Variants in DLGAP2 observed in about 807,000 individuals in gnomAD.
DLGAP2 encodes the protein disks large-associated protein 2.
A neutral mutation model predicts 100.3 loss-of-function variants in DLGAP2; 26 were observed. The observed-to-expected ratio is 0.26, with a 90% CI of 0.19 to 0.36. The LOEUF (loss-of-function observed/expected upper bound fraction) is 0.36. Among genes scored for constraint, DLGAP2 ranks in the 10% least tolerant of loss-of-function variants. DLGAP2 has a pLI of 1.00. For synonymous variants in DLGAP2, 886 were observed against 630.1 expected (o/e 1.41, Z -6.08); for missense variants, 1,858 against 1,453.2 (o/e 1.28, Z -4.53).
intron 4 of DLGAP2, among the ~76,000 whole-genome samples, chr8:1,508,753 A>T (rs1800045220): frequency 6.6e-6 from 1 of 151,104 alleles, no homozygotes; most frequent in Non-Finnish European, 1.5e-5. Flanking sequence ...GGAGGCGCTG[A>T]CGGCGTTCCC....
At chr8:950,049 C>G (rs903758887) in intron 2 of DLGAP2, among the ~76,000 whole-genome samples, 1 of 152,148 alleles carries the variant, frequency 6.6e-6, no homozygotes, top group African/African-American at 2.4e-5. Context: ...TCCAGGGGAC[C>G]CAGGTCTTTA....
chr8:1,252,814 C>T (rs979969651), intron 2 of DLGAP2, among the ~76,000 whole-genome samples: 2 of 152,212 alleles, frequency 1.3e-5, no homozygotes, highest in Admixed American at 6.5e-5. Context: ...CCTTTCCTGA[C>T]GAGCAGAGGA....
At chr8:883,970 T>G (rs879475404) in intron 1 of DLGAP2, among the ~76,000 whole-genome samples, 8 of 152,256 alleles carry the variant, frequency 5.3e-5, no homozygotes, top group Admixed American at 5.2e-4. Context: ...GGACATGATC[T>G]CTTTGCTTTT....
In DLGAP2 at chr8:1,134,999, A is replaced by G. The variant is rs945986309; in HGVS notation, c.74-123852A>G. 9.2e-5 allele frequency among the ~76,000 whole-genome samples: 14 copies of G among 152,326 alleles called. No individual in the cohort carries two copies. The East Asian group carries it at 1.9e-3, about 21-fold the overall frequency. ...TCAAACTCTATTGATTAAACTTTGA[A>G]TATGATTTTTAGTGCTAAAGAGACT... On this transcript the variant is annotated intron_variant, in intron 2 of 14. Coordinates refer to ENST00000637795, the MANE Select transcript of DLGAP2 (RefSeq NM_001346810.2).
At chr8:1,691,408 G>C (rs34727953) in intron 12 of DLGAP2, 127 bp from the exon 13 acceptor site, 4 of 747,408 alleles carry the variant, frequency 5.4e-6, no homozygotes, top group African/African-American at 3.5e-5. Context: ...GAACACGCTC[G>C]GCACGATGAA....
chr8:1,676,715 G>T, intron 11 of DLGAP2, 97 bp downstream of exon 11: 2 of 1,231,524 alleles, frequency 1.6e-6, no homozygotes, highest in Non-Finnish European at 2.3e-6. Context: ...CCTCAATCAT[G>T]CCTGTCCTTG....
chr8:1,253,623 G>A (rs773538031), intron 2 of DLGAP2, among the ~76,000 whole-genome samples: 27 of 152,124 alleles, frequency 1.8e-4, no homozygotes, highest in African/African-American at 6.0e-4. Flanking sequence ...TGTGGAGCTC[G>A]GGGAATGAGC....
intron 8 of DLGAP2, among the ~76,000 whole-genome samples, chr8:1,640,617 G>T (rs1415379117): frequency 6.6e-6 from 1 of 152,038 alleles, no homozygotes; most frequent in African/African-American, 2.4e-5. Context: ...GCAAACTAAA[G>T]CCCAGGGTGT....
Position 771,803 on chromosome 8 carries a change from G to A in DLGAP2, c.18+33978G>A, listed in dbSNP as rs141512123. ...TTACACTAACCATAAAAATTGAAGT[G>A]GCACATATAGAATAAACAATGGAAA... On this transcript the variant is annotated intron_variant, in intron 1 of 14. Transcript: ENST00000637795. Among the ~76,000 whole-genome samples the A allele has an allele frequency of 7.5e-3, 1,146 of 152,272 alleles. 11 individuals are homozygous for A. The highest frequency in any genetic ancestry group is 0.026 in the African/African-American group (1,069 of 41,564).
intron 5 of DLGAP2, among the ~76,000 whole-genome samples, chr8:1,565,349 A>G (rs142810249): frequency 6.8e-4 from 103 of 151,550 alleles, no homozygotes; most frequent in Non-Finnish European, 1.1e-3. Flanking sequence ...CTCAACTTTC[A>G]ATTTCCTCTT....
At chr8:1,618,548 G>T (rs997091299) in intron 6 of DLGAP2, among the ~76,000 whole-genome samples, 2 of 152,184 alleles carry the variant, frequency 1.3e-5, no homozygotes, top group African/African-American at 4.8e-5. Flanking sequence ...CTGACAAGAA[G>T]ATTCTAAAAT....
At chr8:1,629,200 T>A (rs1416242481) in intron 7 of DLGAP2, among the ~76,000 whole-genome samples, 1 of 152,214 alleles carries the variant, frequency 6.6e-6, no homozygotes, top group East Asian at 1.9e-4. Flanking sequence ...ACCCAGGACT[T>A]TTTCCACTGA....
intron 1 of DLGAP2, among the ~76,000 whole-genome samples, chr8:886,120 A>C (rs1253427078): frequency 6.6e-6 from 1 of 152,130 alleles, no homozygotes; most frequent in Non-Finnish European, 1.5e-5. Context: ...TCCCTGGTTT[A>C]GTCTTGGTAG....
intron 3 of DLGAP2, among the ~76,000 whole-genome samples, chr8:1,278,501 A>G (rs1263186077): frequency 1.3e-5 from 2 of 152,230 alleles, no homozygotes; most frequent in Non-Finnish European, 2.9e-5. Flanking sequence ...ACAACTGCAT[A>G]TCATTCTGTT....
chr8:954,831 G>C (rs1030193344), intron 2 of DLGAP2, among the ~76,000 whole-genome samples: 1 of 152,144 alleles, frequency 6.6e-6, no homozygotes, highest in African/African-American at 2.4e-5. Context: ...TAGGTTCATT[G>C]ATGTAACTTT....
chr8:960,237 C>CTTTTTCTTT (rs1799692166), intron 2 of DLGAP2, among the ~76,000 whole-genome samples: 1 of 44,640 alleles, frequency 2.2e-5, no homozygotes, highest in Non-Finnish European at 4.0e-5. Flanking sequence ...TGAAGTATAT[C>CTTTTTCTTT]TTTTTTTTTT....
chr8:1,706,074 C>T lies in DLGAP2; in HGVS notation c.*4668C>T, dbSNP rs1202739688. 2 of 152,194 alleles carry T rather than the reference C, an allele frequency of 1.3e-5. No individual in the cohort carries two copies. Among genetic ancestry groups the T allele is most frequent in the Non-Finnish European group, 2.9e-5 (2 of 68,052 alleles). The allele number at this position is 152,194 out of a possible 1,614,324, so 9.4% of individuals were successfully genotyped here. A position where few individuals can be genotyped will look rare whatever the true frequency, so the allele number is the denominator to read the frequency against. ...TCGCTATTAGTTGGGAGTTGCAATA[C>T]ATTGTTGGCCATAAACAAAGTGCTA... On this transcript the variant is annotated 3_prime_UTR_variant, in exon 15 of 15. Transcript: ENST00000637795.
chr8:1,418,888 A>T (rs1403449970), intron 3 of DLGAP2, among the ~76,000 whole-genome samples: 1 of 152,230 alleles, frequency 6.6e-6, no homozygotes, highest in African/African-American at 2.4e-5. Context: ...ATGGGTTCCC[A>T]TGGCTCTACC....
intron 2 of DLGAP2, among the ~76,000 whole-genome samples, chr8:1,181,667 A>G (rs1385426530): frequency 2.0e-5 from 3 of 152,182 alleles, no homozygotes. Flanking sequence ...AAACCTGCCC[A>G]TTTACCCCTG....
Sources: allele counts gnomAD v4.1 joint callset (sites outside exome capture counted in the v4.1 genomes callset), GRCh38; gene constraint gnomAD v4.1.1; transcripts MANE v1.5; gene names NCBI Gene and HGNC (gene_info 2026-07-23, HGNC 2026-07-21).